The following NCAPD3 variants were observed in gnomAD, a reference collection of about 807,000 sequenced individuals.
The protein encoded by NCAPD3 is condensin-2 complex subunit D3.
Under a neutral mutation model 182.9 loss-of-function variants are expected in NCAPD3, and 105 were observed. The observed-to-expected ratio is 0.57, with a 90% confidence interval of 0.49 to 0.68. The LOEUF is 0.68. Ranked by LOEUF, NCAPD3 falls within the 30% of genes least tolerant of loss-of-function variation. The pLI, the probability that NCAPD3 is intolerant of heterozygous loss-of-function variation, is 0.00. For missense variants in NCAPD3, 1,944 were observed against 1,837.0 expected, an observed-to-expected ratio of 1.06 and a Z score of -1.07; for synonymous variants, 815 against 679.9, an observed-to-expected ratio of 1.20 and a Z score of -3.09.
intron 19 of NCAPD3, among the ~76,000 whole-genome samples, chr11:134,183,807 C>G (rs1678783330): frequency 6.6e-6 from 1 of 152,134 alleles, no homozygotes; most frequent in Admixed American, 6.5e-5. Flanking sequence ...TAAGGAAGGG[C>G]TTTCTCTAAT....
chr11:134,179,259 A>C (rs1441075946), intron 20 of NCAPD3, among the ~76,000 whole-genome samples: 1 of 152,180 alleles, frequency 6.6e-6, no homozygotes, highest in East Asian at 1.9e-4. Context: ...ATCTACCTAT[A>C]ACCCTACCAC....
At chr11:134,185,660 C>T (rs1009324334) in intron 16 of NCAPD3, 134 bp from the exon 17 acceptor site, 36 of 604,582 alleles carry the variant, frequency 6.0e-5, no homozygotes, top group East Asian at 2.1e-4. Context: ...TATATGTAGA[C>T]GTTCCTAATT....
chr11:134,157,991 G>T lies in NCAPD3; in HGVS notation c.4111C>A (p.Arg1371=). The change falls in exon 31 of 35, where the codon CGG becomes AGG. Residue 1371 remains arginine (R), a synonymous_variant. Coordinates refer to ENST00000534548, the MANE Select transcript of NCAPD3 (RefSeq NM_015261.3). ...GTGAAAGGCAGCACTCCTAAGCTCCGACTCCGATGCCTGCTCTTTGACTCC... is the reference window on the plus strand; with the variant it reads ...GTGAAAGGCAGCACTCCTAAGCTCCTACTCCGATGCCTGCTCTTTGACTCC... ...AVESKSRHRS[R]SLGVLPFTLN... is the part of the protein sequence containing the mutation. The T allele has an allele frequency of 6.2e-7, 1 of 1,614,102 alleles. No individual in the cohort carries two copies. Among genetic ancestry groups the T allele is most frequent in the Non-Finnish European group, 8.5e-7 (1 of 1,179,998 alleles).
At chr11:134,177,036 T>C (rs1201735853) in intron 23 of NCAPD3, among the ~76,000 whole-genome samples, 183 bp downstream of exon 23, 1 of 152,180 alleles carries the variant, frequency 6.6e-6, no homozygotes, top group Non-Finnish European at 1.5e-5. Context: ...AAATGAACAT[T>C]CACAAGTAAC....
chr11:134,223,696 G>A (rs1938333411), intron 1 of NCAPD3, among the ~76,000 whole-genome samples, 167 bp downstream of exon 1: 1 of 152,176 alleles, frequency 6.6e-6, no homozygotes, highest in African/African-American at 2.4e-5. Context: ...CGGGAAACCT[G>A]GCTAGCCGCA....
intron 7 of NCAPD3, among the ~76,000 whole-genome samples, chr11:134,207,903 T>G (rs1479384435): frequency 1.3e-5 from 2 of 152,174 alleles, no homozygotes; most frequent in African/African-American, 4.8e-5. Flanking sequence ...CACACAGAAG[T>G]GATAAAGATA....
intron 3 of NCAPD3, among the ~76,000 whole-genome samples, chr11:134,211,097 T>G (rs1164603362): frequency 6.6e-6 from 1 of 152,194 alleles, no homozygotes; most frequent in Non-Finnish European, 1.5e-5. Flanking sequence ...CTCAGATACA[T>G]TTGAGTTGTG....
chr11:134,223,813 G>A (rs767936257), intron 1 of NCAPD3, 50 bp downstream of exon 1: 17 of 1,570,136 alleles, frequency 1.1e-5, no homozygotes, highest in Non-Finnish European at 1.4e-5. Context: ...CGTCGGGGAC[G>A]CATAGGACCC....
intron 13 of NCAPD3, 43 bp downstream of exon 13, chr11:134,202,773 T>A: frequency 7.2e-7 from 1 of 1,384,530 alleles, no homozygotes; most frequent in Non-Finnish European, 1.0e-6. Context: ...TTGTCTGAAA[T>A]CCAGCAGTAT....
Position 134,194,019 on chromosome 11 carries a change from AAGG to A in NCAPD3, c.1818_1820del (p.Leu607del), listed in dbSNP as rs1169858273. 1 of 1,613,338 alleles carries A rather than the reference AAGG, an allele frequency of 6.2e-7. No homozygotes were observed. Among genetic ancestry groups the A allele is most frequent in the Admixed American group, 1.7e-5 (1 of 59,868 alleles). On this transcript the variant is annotated inframe_deletion, in exon 15 of 35. Coordinates refer to ENST00000534548, the MANE Select transcript of NCAPD3 (RefSeq NM_015261.3). ...TATATAATGTCCTGCCTCTCACCAT[AAGG>A]AGTTCAGTAAGAGACTGGAGGGCCT...
chr11:134,190,901 G>A (rs1323322007), intron 16 of NCAPD3, among the ~76,000 whole-genome samples: 5 of 152,316 alleles, frequency 3.3e-5, no homozygotes, highest in African/African-American at 1.2e-4. Context: ...CTAACTTGAT[G>A]TGAACAAGTT....
chr11:134,223,800 C>T (rs1033053657), intron 1 of NCAPD3, 63 bp downstream of exon 1: 3 of 1,558,132 alleles, frequency 1.9e-6, no homozygotes, highest in African/African-American at 1.4e-5. Flanking sequence ...CGGGCTTAGG[C>T]ATCGTCGGGG....
At chr11:134,163,498 G>C (rs1943653059) in intron 27 of NCAPD3, among the ~76,000 whole-genome samples, 1 of 151,976 alleles carries the variant, frequency 6.6e-6, no homozygotes. Flanking sequence ...AGGAGATTGA[G>C]ACCATCCTGG....
At chr11:134,181,008 G>A in intron 20 of NCAPD3, 69 bp downstream of exon 20, 1 of 1,177,828 alleles carries the variant, frequency 8.5e-7, no homozygotes, top group Non-Finnish European at 1.3e-6. Context: ...ACATGACAAA[G>A]TCATCTTTAA....
rs1944820257 is a variant in NCAPD3, at chr11:134,204,961, C to T, written c.1027G>A (p.Asp343Asn). 1.2e-6 allele frequency: 2 copies of T among 1,613,392 alleles called. No homozygotes were observed. Among genetic ancestry groups the T allele is most frequent in the Admixed American group, 1.7e-5 (1 of 59,974 alleles). The change falls in exon 9 of 35, where the codon GAT becomes AAT. Residue 343 changes from aspartate (D) to asparagine (N), a missense_variant. Asp to Asn is a conservative substitution (Grantham distance 23). Coordinates refer to ENST00000534548, the MANE Select transcript of NCAPD3 (RefSeq NM_015261.3). This position sits in a 1 kb window ranked among gnomAD's most constrained non-coding sequence, Gnocchi z 4.3. ...GGGAATATACTCTCCTTTAATTCATCCACAAGGGCGCTTTGTAAAAGAAAA... is the reference window on the plus strand; with the variant it reads ...GGGAATATACTCTCCTTTAATTCATTCACAAGGGCGCTTTGTAAAAGAAAA... ...QAVQFISALVDELKESIFPVV... is the reference protein window; with the variant it reads ...QAVQFISALVNELKESIFPVV...
At chr11:134,169,321 C>A (rs1287394272) in intron 24 of NCAPD3, among the ~76,000 whole-genome samples, 3 of 152,152 alleles carry the variant, frequency 2.0e-5, no homozygotes, top group Admixed American at 6.5e-5. Context: ...GTGTTGTCAT[C>A]CAGCTGCAGT....
chr11:134,164,202 C>A (rs537852254), intron 27 of NCAPD3, among the ~76,000 whole-genome samples: 7 of 152,162 alleles, frequency 4.6e-5, no homozygotes, highest in Non-Finnish European at 1.0e-4. Flanking sequence ...TCATTCAGAT[C>A]CAAATTCTAC....
chr11:134,185,553 GAATTGC>G, intron 16 of NCAPD3, 27 bp from the exon 17 acceptor site: 1 of 1,537,522 alleles, frequency 6.5e-7, no homozygotes, highest in South Asian at 1.2e-5. Context: ...TAGAAAAGCA[GAATTGC>G]AACTGTAAAT....
chr11:134,204,294 A>C lies in NCAPD3; in HGVS notation c.1090-123T>G, dbSNP rs139571942. The C allele has an allele frequency of 2.3e-3, 2,441 of 1,059,482 alleles. 50 individuals are homozygous for C. In the African/African-American group the frequency reaches 0.034, roughly 15 times the overall value. 65.6% of individuals were successfully genotyped at this position (1,059,482 alleles called of 1,614,324 possible). A position where few individuals can be genotyped will look rare whatever the true frequency, so the allele number is the denominator to read the frequency against. On this transcript the variant is annotated intron_variant, in intron 9 of 34. Transcript: ENST00000534548. This position sits in a 1 kb window ranked among gnomAD's most constrained non-coding sequence, Gnocchi z 4.3. ...GTTCAATGACCTTTAAATGTTACGTAAATGACTAATAAATTTTAGGTTTTA... is the reference window on the plus strand; with the variant it reads ...GTTCAATGACCTTTAAATGTTACGTCAATGACTAATAAATTTTAGGTTTTA...
Sources: allele counts gnomAD v4.1 joint callset (sites outside exome capture counted in the v4.1 genomes callset), GRCh38; gene constraint gnomAD v4.1.1; non-coding constraint Gnocchi (gnomAD v3.1); transcripts MANE v1.5; gene names NCBI Gene and HGNC (gene_info 2026-07-23, HGNC 2026-07-21).